Variants in CARM1 observed in about 807,000 individuals in gnomAD.
The protein encoded by CARM1 is coactivator associated arginine methyltransferase 1.
Under a neutral mutation model 72.7 loss-of-function variants are expected in CARM1, and 14 were observed. The ratio of observed to expected loss-of-function variants is 0.19; its 90% CI spans 0.13 to 0.30. The LOEUF (loss-of-function observed/expected upper bound fraction) is 0.30. Among genes scored for constraint, CARM1 ranks in the 10% least tolerant of loss-of-function variants. The probability of loss-of-function intolerance (pLI) is 1.00; values close to 1 mark genes in which losing one functional copy is unlikely to be tolerated. For missense variants in CARM1, 432 were observed against 833.7 expected (o/e 0.52, Z 5.93); for synonymous variants, 333 against 345.5 (o/e 0.96, Z 0.40).
intron 1 of CARM1, among the ~76,000 whole-genome samples, chr19:10,882,797 T>C (rs537428035): frequency 4.5e-4 from 69 of 152,106 alleles, no homozygotes; most frequent in African/African-American, 1.4e-3. Context: ...CCCGCCTTGG[T>C]CTCCCAAAGT....
At chr19:10,917,855 C>T (rs1026710427) in intron 8 of CARM1, among the ~76,000 whole-genome samples, 3 of 151,704 alleles carry the variant, frequency 2.0e-5, no homozygotes, top group Non-Finnish European at 4.4e-5. Flanking sequence ...GGAGTACAGG[C>T]GCTTGCCACC....
intron 4 of CARM1, among the ~76,000 whole-genome samples, chr19:10,910,848 G>A (rs1383351195): frequency 2.0e-5 from 3 of 151,912 alleles, no homozygotes; most frequent in South Asian, 4.2e-4. Flanking sequence ...ACAGGCATGA[G>A]CCACTGCACC....
At chr19:10,875,023 G>GAA (rs111550589) in intron 1 of CARM1, among the ~76,000 whole-genome samples, 2 of 127,970 alleles carry the variant, frequency 1.6e-5, no homozygotes, top group Non-Finnish European at 3.4e-5. Flanking sequence ...GACCCTGTCT[G>GAA]AAAAAAAAAA....
chr19:10,921,284 C>G, intron 14 of CARM1, 91 bp from the exon 15 acceptor site: 1 of 1,516,950 alleles, frequency 6.6e-7, no homozygotes, highest in Admixed American at 1.8e-5. Flanking sequence ...TCCTCTCTGC[C>G]TCGCTCTGCA....
At chr19:10,889,192 C>T (rs1287271823) in intron 1 of CARM1, among the ~76,000 whole-genome samples, 1 of 152,214 alleles carries the variant, frequency 6.6e-6, no homozygotes, top group African/African-American at 2.4e-5. Context: ...TTGGGGGCAC[C>T]ATGGAGGCCT....
intron 1 of CARM1, among the ~76,000 whole-genome samples, chr19:10,875,752 G>A (rs2073859777): frequency 6.6e-6 from 1 of 151,584 alleles, no homozygotes; most frequent in Non-Finnish European, 1.5e-5. Context: ...TAAGGACACT[G>A]GGCATTGGAT....
intron 1 of CARM1, among the ~76,000 whole-genome samples, chr19:10,875,545 C>T (rs974138244): frequency 6.6e-6 from 1 of 152,090 alleles, no homozygotes; most frequent in African/African-American, 2.4e-5. Context: ...CTGCCTCAGC[C>T]TCCCGGGTAG....
At chr19:10,885,505 T>C (rs2073934600) in intron 1 of CARM1, among the ~76,000 whole-genome samples, 1 of 152,196 alleles carries the variant, frequency 6.6e-6, no homozygotes, top group East Asian at 1.9e-4. Flanking sequence ...GTGCTACTCC[T>C]GGCGAGGACT....
In CARM1 at chr19:10,922,091, C is replaced by CT. The variant is rs921616199; in HGVS notation, c.*336dup. On this transcript the variant is annotated 3_prime_UTR_variant, in exon 16 of 16. Coordinates refer to ENST00000327064, the MANE Select transcript of CARM1 (RefSeq NM_199141.2). ...CCTGCCAGCCCTGCCTGCCAGGTCC[C>CT]TTAGCACCTGTCCCCCTGCCTGTCT... 4.7e-6 allele frequency: 1 copy of CT among 213,070 alleles called. No homozygotes were observed. The highest frequency in any genetic ancestry group is 9.3e-6 in the Non-Finnish European group (1 of 107,956). 13.2% of individuals were successfully genotyped at this position (213,070 alleles called of 1,614,324 possible). A position where few individuals can be genotyped will look rare whatever the true frequency, so the allele number is the denominator to read the frequency against.
chr19:10,871,625 G>GGCGGCGGCGGCGGCA lies in CARM1; in HGVS notation c.-66_-52dup, dbSNP rs1415856406. Reference sequence around the variant, plus strand: ...CGGCGGCGGCGGCGGCGGCGGCGGCGGCGGCGGCGGCGGCAGCGGCGGCGG... The same window carrying GGCGGCGGCGGCGGCA: ...CGGCGGCGGCGGCGGCGGCGGCGGCGGCGGCGGCGGCGGCAGCGGCGGCGGCGGCAGCGGCGGCGG... On this transcript the variant is annotated 5_prime_UTR_variant, in exon 1 of 16. Coordinates refer to ENST00000327064, the MANE Select transcript of CARM1 (RefSeq NM_199141.2). This position sits in a 1 kb window ranked among gnomAD's most constrained non-coding sequence, Gnocchi z 5.6. The GGCGGCGGCGGCGGCA allele has an allele frequency of 4.2e-5, 7 of 165,930 alleles. 1 individual carries two copies. In the South Asian group the frequency reaches 1.0e-3, roughly 24 times the overall value. The allele number at this position is 165,930 out of a possible 1,614,324, so 10.3% of individuals were successfully genotyped here. A position where few individuals can be genotyped will look rare whatever the true frequency, so the allele number is the denominator to read the frequency against.
At chr19:10,874,476 C>T (rs1025913616) in intron 1 of CARM1, among the ~76,000 whole-genome samples, 1 of 151,894 alleles carries the variant, frequency 6.6e-6, no homozygotes, top group Non-Finnish European at 1.5e-5. Flanking sequence ...CAGCTCACTG[C>T]AGCCTTCCAT....
At position 10,896,510 on chromosome 19, in the gene CARM1, T is replaced by C. The variant is rs1481907761; in HGVS notation, c.221-8441T>C. On this transcript the variant is annotated intron_variant, in intron 1 of 15. Coordinates refer to ENST00000327064, the MANE Select transcript of CARM1 (RefSeq NM_199141.2). The surrounding 1 kb of genome is among the most constrained non-coding windows in gnomAD (Gnocchi z 5.2). The stretch of plus-strand genomic sequence containing the variant: ...CCTATCCTGTGTGACGGTGGGTCTC[T>C]CCCCACCCTGCGCAAGATCCCTCCC... Among the ~76,000 whole-genome samples, 1 of 151,762 alleles carries C rather than the reference T, an allele frequency of 6.6e-6. No homozygotes were observed. Among genetic ancestry groups the C allele is most frequent in the Non-Finnish European group, 1.5e-5 (1 of 67,944 alleles).
intron 1 of CARM1, among the ~76,000 whole-genome samples, chr19:10,879,843 G>A (rs2073888873): frequency 6.6e-6 from 1 of 152,156 alleles, no homozygotes; most frequent in African/African-American, 2.4e-5. Flanking sequence ...TTGAACTCCT[G>A]ACCTCAAGTG....
At chr19:10,886,476 G>A (rs1191150002) in intron 1 of CARM1, among the ~76,000 whole-genome samples, 1 of 151,746 alleles carries the variant, frequency 6.6e-6, no homozygotes, top group African/African-American at 2.4e-5. Flanking sequence ...GATTACAGGC[G>A]TGAGTCACCA....
rs550869012 is a variant in CARM1, at chr19:10,871,708, A to AGCGGCG, written c.17_22dup (p.Ala6_Ala7dup). ...GGCCTGGAGCCGGATCTAAGATGGC[A>AGCGGCG]GCGGCGGCGGCGGCGGTGGGGCCGG... On this transcript the variant is annotated inframe_insertion, in exon 1 of 16. Transcript: ENST00000327064. This position sits in a 1 kb window ranked among gnomAD's most constrained non-coding sequence, Gnocchi z 5.6. 3.6e-6 allele frequency: 3 copies of AGCGGCG among 840,148 alleles called. No individual in the cohort carries two copies. Among genetic ancestry groups the AGCGGCG allele is most frequent in the Non-Finnish European group, 4.3e-6 (3 of 702,888 alleles). 52.0% of individuals were successfully genotyped at this position (840,148 alleles called of 1,614,324 possible).
At position 10,909,086 on chromosome 19, in the gene CARM1, G is replaced by T. The variant is rs753546290; in HGVS notation, c.454-17G>T. 4 of 1,597,186 alleles carry T rather than the reference G, an allele frequency of 2.5e-6. No individual in the cohort carries two copies. In the Admixed American group the frequency reaches 5.0e-5, roughly 20 times the overall value. On this transcript the variant is annotated splice_polypyrimidine_tract_variant and intron_variant, in intron 3 of 15. Coordinates refer to ENST00000327064, the MANE Select transcript of CARM1 (RefSeq NM_199141.2). ...TGCCACCATGTGCCCCGTGCCATCG[G>T]TATGTCTCTGTTCCAGTTTTATGGC...
At position 10,891,560 on chromosome 19, in the gene CARM1, G is replaced by C. The variant is rs540170498; in HGVS notation, c.221-13391G>C. Among the ~76,000 whole-genome samples, 200 of 152,298 alleles carry C rather than the reference G, an allele frequency of 1.3e-3. 1 individual carries two copies. Among genetic ancestry groups the C allele is most frequent in the Middle Eastern group, 3.4e-3 (1 of 294 alleles). On this transcript the variant is annotated intron_variant, in intron 1 of 15. Coordinates refer to ENST00000327064, the MANE Select transcript of CARM1 (RefSeq NM_199141.2). ...AGCCTCCAGCTGGGTCACAGAAGAG[G>C]CTCAGGGCCTGTTCCCACTCCCCTC...
rs778642042 is a variant in CARM1 at position 10,916,731 on chromosome 19, C to T, written c.974C>T (p.Ala325Val). 3.2e-6 allele frequency: 5 copies of T among 1,556,148 alleles called. No individual in the cohort carries two copies. Among genetic ancestry groups the T allele is most frequent in the Non-Finnish European group, 4.3e-6 (5 of 1,149,764 alleles). Residue 325 changes from alanine to valine, a missense_variant, in exon 8 of 16, where the codon GCC becomes GTC. This residue lies in a region of CARM1 where 152 missense variants were observed against 452.8 expected (regional missense o/e 0.34). Coordinates refer to ENST00000327064, the MANE Select transcript of CARM1 (RefSeq NM_199141.2). The surrounding 1 kb of genome is among the most constrained non-coding windows in gnomAD (Gnocchi z 4.4). ...TCTTTCCATGGAGTGGACCTGTCGGCCCTCCGAGGTGCCGCGGTGGATGAG... is the reference window on the plus strand; with the variant it reads ...TCTTTCCATGGAGTGGACCTGTCGGTCCTCCGAGGTGCCGCGGTGGATGAG... The part of the protein sequence containing the change: ...QPSFHGVDLS[A>V]LRGAAVDEYF...
At chr19:10,921,556 C>A in intron 15 of CARM1, 59 bp from the exon 16 acceptor site, 1 of 1,577,304 alleles carries the variant, frequency 6.3e-7, no homozygotes. Flanking sequence ...CTCTCTGTGA[C>A]TCTGCCTGGG....
Sources: allele counts gnomAD v4.1 joint callset (sites outside exome capture counted in the v4.1 genomes callset), GRCh38; gene constraint gnomAD v4.1.1; regional missense constraint gnomAD v4.1.1; non-coding constraint Gnocchi (gnomAD v3.1); transcripts MANE v1.5; gene names NCBI Gene and HGNC (gene_info 2026-07-23, HGNC 2026-07-21).